CAMKMT: variants seen among roughly 807,000 people sequenced by gnomAD.
The protein encoded by CAMKMT is CaM KMT.
Under a neutral mutation model 48.0 loss-of-function variants are expected in CAMKMT, and 53 were observed. That is an observed-to-expected ratio of 1.10 (90% confidence interval 0.89 to 1.39). CAMKMT has a LOEUF of 1.39. CAMKMT is among the 40% of genes most tolerant of loss of function. The probability of loss-of-function intolerance (pLI) is 0.00; values close to 1 mark genes in which losing one functional copy is unlikely to be tolerated. For missense variants in CAMKMT, 428 were observed against 402.7 expected (o/e 1.06, Z -0.54); for synonymous variants, 165 against 152.3 (o/e 1.08, Z -0.61).
chr2:44,544,839 A>G (rs530144947), intron 3 of CAMKMT, among the ~76,000 whole-genome samples: 2 of 152,366 alleles, frequency 1.3e-5, no homozygotes, highest in South Asian at 4.1e-4. Flanking sequence ...ACTAAAGAAT[A>G]GAAAAAATAA....
At chr2:44,519,783 T>C (rs1021632936) in intron 3 of CAMKMT, among the ~76,000 whole-genome samples, 6 of 152,174 alleles carry the variant, frequency 3.9e-5, no homozygotes, top group Admixed American at 3.9e-4. Flanking sequence ...AGTGAGGTAG[T>C]TGTATTATCT....
At chr2:44,629,114 G>A (rs1238852184) in intron 3 of CAMKMT, among the ~76,000 whole-genome samples, 2 of 152,148 alleles carry the variant, frequency 1.3e-5, no homozygotes, top group African/African-American at 4.8e-5. Context: ...GAGAAGAGTA[G>A]TGAAATCTCC....
intron 3 of CAMKMT, among the ~76,000 whole-genome samples, chr2:44,399,643 A>C (rs768512378): frequency 2.6e-5 from 4 of 151,818 alleles, no homozygotes; most frequent in Non-Finnish European, 5.9e-5. Context: ...AAAAGCTAAG[A>C]AAAAATTCTA....
chr2:44,519,083 T>C (rs952989885), intron 3 of CAMKMT, among the ~76,000 whole-genome samples: 1 of 152,208 alleles, frequency 6.6e-6, no homozygotes, highest in African/African-American at 2.4e-5. Context: ...TTTTTAACTA[T>C]TGAACCTCTA....
intron 9 of CAMKMT, among the ~76,000 whole-genome samples, chr2:44,761,552 A>G (rs1325852083): frequency 6.6e-6 from 1 of 152,206 alleles, no homozygotes; most frequent in Non-Finnish European, 1.5e-5. Context: ...TAAATGTGAG[A>G]CTGGTACTTC....
At chr2:44,714,822 C>T (rs1163258717) in intron 6 of CAMKMT, among the ~76,000 whole-genome samples, 1 of 152,192 alleles carries the variant, frequency 6.6e-6, no homozygotes, top group Non-Finnish European at 1.5e-5. Context: ...AGTAAAAGAG[C>T]TTGCCTGTGG....
chr2:44,683,683 C>T (rs1199061109), intron 3 of CAMKMT, among the ~76,000 whole-genome samples: 26 of 151,602 alleles, frequency 1.7e-4, no homozygotes, highest in African/African-American at 5.3e-4. Context: ...ATTAGGCGGG[C>T]GTGGTGGCGG....
intron 3 of CAMKMT, among the ~76,000 whole-genome samples, chr2:44,652,578 G>A (rs1459052278): frequency 6.6e-6 from 1 of 152,138 alleles, no homozygotes; most frequent in Non-Finnish European, 1.5e-5. Flanking sequence ...ATTAAGGTTG[G>A]GTGGTAGTGC....
chr2:44,621,962 T>C (rs1391409649), intron 3 of CAMKMT, among the ~76,000 whole-genome samples: 1 of 152,156 alleles, frequency 6.6e-6, no homozygotes, highest in African/African-American at 2.4e-5. Flanking sequence ...ATTCAAGATG[T>C]AATTTGGAGG....
rs3083440 is a variant in CAMKMT, at chr2:44,614,936, C to CTTTTTTTTTTTTT, written c.377-89335_377-89323dup. Among the ~76,000 whole-genome samples the CTTTTTTTTTTTTT allele has an allele frequency of 1.6e-3, 76 of 48,988 alleles. 9 individuals carry two copies. The highest frequency in any genetic ancestry group is 3.2e-3 in the African/African-American group (31 of 9,640). The allele number at this position is 48,988 out of a possible 152,430, so 32.1% of individuals were successfully genotyped here. A position where few individuals can be genotyped will look rare whatever the true frequency, so the allele number is the denominator to read the frequency against. On this transcript the variant is annotated intron_variant, in intron 3 of 10. Coordinates refer to ENST00000378494, the MANE Select transcript of CAMKMT (RefSeq NM_024766.5). ...TCTAACCAGCTCTTTGGTCTCCTTG[C>CTTTTTTTTTTTTT]TTTTTTTTTTTTTTTTTTTTTTTTG...
chr2:44,498,335 AAT>A (rs1369379719), intron 3 of CAMKMT, among the ~76,000 whole-genome samples: 1 of 152,182 alleles, frequency 6.6e-6, no homozygotes, highest in African/African-American at 2.4e-5. Flanking sequence ...TAAATTGTCT[AAT>A]ATGAGATTAG....
At chr2:44,455,292 G>T (rs1031513753) in intron 3 of CAMKMT, among the ~76,000 whole-genome samples, 1 of 151,782 alleles carries the variant, frequency 6.6e-6, no homozygotes. Context: ...CAGGATGAAA[G>T]AAGTCACCAG....
intron 3 of CAMKMT, among the ~76,000 whole-genome samples, chr2:44,532,899 G>T (rs1024028633): frequency 6.6e-6 from 1 of 151,294 alleles, no homozygotes; most frequent in Admixed American, 6.6e-5. Flanking sequence ...TGCAACCTCC[G>T]TCTCCCAGGT....
intron 3 of CAMKMT, among the ~76,000 whole-genome samples, chr2:44,441,105 C>T (rs1349712911): frequency 6.6e-6 from 1 of 152,124 alleles, no homozygotes; most frequent in Non-Finnish European, 1.5e-5. Flanking sequence ...TCTTCCTTAA[C>T]AATTTTTTTC....
intron 3 of CAMKMT, among the ~76,000 whole-genome samples, chr2:44,683,435 T>C (rs1170363344): frequency 2.0e-5 from 3 of 152,162 alleles, no homozygotes; most frequent in Non-Finnish European, 4.4e-5. Context: ...CCAAACTCGG[T>C]CATTAACTAG....
At chr2:44,645,542 C>T (rs752360968) in intron 3 of CAMKMT, among the ~76,000 whole-genome samples, 5 of 152,052 alleles carry the variant, frequency 3.3e-5, no homozygotes, top group African/African-American at 7.2e-5. Context: ...GAATCTAGAC[C>T]GGGCACAATG....
intron 3 of CAMKMT, among the ~76,000 whole-genome samples, chr2:44,418,142 A>G (rs1683689987): frequency 6.6e-6 from 1 of 151,348 alleles, no homozygotes; most frequent in Admixed American, 6.6e-5. Context: ...CAGTGAGCCA[A>G]GATCGCGCCA....
intron 3 of CAMKMT, among the ~76,000 whole-genome samples, chr2:44,413,352 T>A (rs1318017925): frequency 1.3e-5 from 2 of 151,776 alleles, no homozygotes; most frequent in Non-Finnish European, 2.9e-5. Flanking sequence ...CATCACGTAC[T>A]ATTAGTAAAG....
chr2:44,531,098 CTG>C (rs973321988), intron 3 of CAMKMT, among the ~76,000 whole-genome samples: 2 of 151,932 alleles, frequency 1.3e-5, no homozygotes, highest in Admixed American at 6.6e-5. Context: ...ACAAGACAAA[CTG>C]AGGATAATTC....
Sources: allele counts gnomAD v4.1 joint callset (sites outside exome capture counted in the v4.1 genomes callset), GRCh38; gene constraint gnomAD v4.1.1; transcripts MANE v1.5; gene names NCBI Gene and HGNC (gene_info 2026-07-23, HGNC 2026-07-21).